BMP2K: variants seen among roughly 807,000 people sequenced by gnomAD.
BMP2K encodes BMP-2-inducible protein kinase.
Under a neutral mutation model 116.0 loss-of-function variants are expected in BMP2K, and 74 were observed. The ratio of observed to expected loss-of-function variants is 0.64; its 90% CI spans 0.53 to 0.77. The LOEUF (loss-of-function observed/expected upper bound fraction) is 0.77. Ranked by LOEUF, BMP2K falls within the 30% of genes least tolerant of loss-of-function variation. The pLI is 0.00. For synonymous variants in BMP2K, 486 were observed against 502.5 expected (o/e 0.97, Z 0.44); for missense variants, 1,365 against 1,403.6 (o/e 0.97, Z 0.44).
intron 10 of BMP2K, among the ~76,000 whole-genome samples, chr4:78,868,233 G>C (rs1239591407): frequency 6.6e-6 from 1 of 152,060 alleles, no homozygotes; most frequent in Non-Finnish European, 1.5e-5. Flanking sequence ...GGTGGTGAAA[G>C]GCACTTCTTA....
chr4:78,872,753 C>T lies in BMP2K; in HGVS notation c.1748C>T (p.Pro583Leu), dbSNP rs758686262. ...TTAGTTTCCTACACTTCATCACTTC[C>T]AGCTCAGGTTGGAACCATAATGGAC... ...PALVSYTSSL[P>L]AQVGTIMDSS... The change falls in exon 13 of 16, where the codon CCA becomes CTA. Residue 583 changes from proline (P) to leucine (L), a missense_variant. By Grantham distance (98) the Pro-to-Leu change is moderately conservative (BLOSUM62 -3). Coordinates refer to ENST00000502613, the MANE Select transcript of BMP2K (RefSeq NM_198892.2). The T allele has an allele frequency of 2.5e-6, 4 of 1,614,140 alleles. No homozygotes were observed. Among genetic ancestry groups the T allele is most frequent in the Non-Finnish European group, 2.5e-6 (3 of 1,179,984 alleles).
chr4:78,794,750 A>G (rs1728171254), intron 1 of BMP2K, among the ~76,000 whole-genome samples: 1 of 152,116 alleles, frequency 6.6e-6, no homozygotes, highest in African/African-American at 2.4e-5. Flanking sequence ...TTTTATAAAG[A>G]CGAGGTCTCA....
intron 1 of BMP2K, 30 bp downstream of exon 1, chr4:78,776,751 C>T (rs1185567883): frequency 4.8e-6 from 6 of 1,256,432 alleles, no homozygotes; most frequent in Non-Finnish European, 5.0e-6. Context: ...CTCGGACAGG[C>T]AGGTGAGGGA....
At chr4:78,910,554 C>T in intron 15 of BMP2K, 56 bp from the exon 16 acceptor site, 3 of 1,336,610 alleles carry the variant, frequency 2.2e-6, no homozygotes, top group Admixed American at 2.9e-5. Context: ...ACATTTAGTG[C>T]AAGAGGATTC....
chr4:78,870,841 G>T lies in BMP2K; in HGVS notation c.1290G>T (p.Gln430His). Reference protein sequence around the residue: ...EILLGQGPPQQPPQQHRVLQQ... With the variant: ...EILLGQGPPQHPPQQHRVLQQ... ...TATTGGGTCAGGGACCTCCTCAGCA[G>T]CCGCCACAGCAGCATAGAGTACTCC... Residue 430 changes from glutamine (Q) to histidine (H), a missense_variant, in exon 11 of 16, where the codon CAG (glutamine) becomes CAT (histidine). Physicochemically the swap from Gln to His is conservative, Grantham distance 24 (BLOSUM62 0). This residue lies in a region of BMP2K where 762 missense variants were observed against 756.7 expected (regional missense o/e 1.01). Coordinates refer to ENST00000502613, the MANE Select transcript of BMP2K (RefSeq NM_198892.2). The T allele has an allele frequency of 6.2e-7, 1 of 1,614,066 alleles. No individual in the cohort carries two copies. Among genetic ancestry groups the T allele is most frequent in the Non-Finnish European group, 8.5e-7 (1 of 1,180,014 alleles).
chr4:78,848,667 C>G (rs951657360), intron 6 of BMP2K, among the ~76,000 whole-genome samples: 1 of 151,074 alleles, frequency 6.6e-6, no homozygotes, highest in African/African-American at 2.4e-5. Context: ...TTATTTTTTC[C>G]TCAGACTTAG....
chr4:78,780,911 G>A (rs1295787443), intron 1 of BMP2K, among the ~76,000 whole-genome samples: 3 of 152,186 alleles, frequency 2.0e-5, no homozygotes, highest in African/African-American at 7.2e-5. Context: ...GGGGGTCAAG[G>A]AAGGCCTTTT....
intron 2 of BMP2K, among the ~76,000 whole-genome samples, chr4:78,833,213 T>C (rs1375056495): frequency 6.6e-6 from 1 of 152,034 alleles, no homozygotes; most frequent in Non-Finnish European, 1.5e-5. Context: ...AATGAGAATA[T>C]AATTGTTAAT....
At chr4:78,777,335 A>T (rs1026467331) in intron 1 of BMP2K, among the ~76,000 whole-genome samples, 1 of 152,220 alleles carries the variant, frequency 6.6e-6, no homozygotes, top group Non-Finnish European at 1.5e-5. Flanking sequence ...TCTGTTGGAC[A>T]AGGTGCTATT....
intron 1 of BMP2K, among the ~76,000 whole-genome samples, chr4:78,798,965 T>C (rs1344378688): frequency 2.0e-5 from 3 of 152,236 alleles, no homozygotes; most frequent in Admixed American, 6.5e-5. Context: ...CATGGAAATA[T>C]CCATAATAAC....
intron 9 of BMP2K, among the ~76,000 whole-genome samples, chr4:78,864,155 C>T (rs1052424667): frequency 2.1e-4 from 32 of 152,000 alleles, no homozygotes; most frequent in African/African-American, 7.2e-4. Context: ...GCTATGCCTA[C>T]GTGTGTTGTG....
intron 10 of BMP2K, among the ~76,000 whole-genome samples, chr4:78,868,710 G>T (rs905946900): frequency 6.6e-6 from 1 of 152,032 alleles, no homozygotes; most frequent in Non-Finnish European, 1.5e-5. Context: ...AAAACAAAGG[G>T]GTTACAGCGC....
intron 1 of BMP2K, among the ~76,000 whole-genome samples, chr4:78,818,944 A>G (rs1047491389): frequency 1.3e-5 from 2 of 152,040 alleles, no homozygotes; most frequent in Non-Finnish European, 2.9e-5. Flanking sequence ...TTACAAGTGC[A>G]TGCCACCATG....
At chr4:78,855,425 T>G (rs1202483057) in intron 7 of BMP2K, among the ~76,000 whole-genome samples, 2 of 152,168 alleles carry the variant, frequency 1.3e-5, no homozygotes. Flanking sequence ...GAGTATTTTC[T>G]TTTTAAATTT....
intron 1 of BMP2K, among the ~76,000 whole-genome samples, chr4:78,782,136 T>C (rs1275476729): frequency 6.6e-6 from 1 of 152,210 alleles, no homozygotes; most frequent in African/African-American, 2.4e-5. Flanking sequence ...GACTGAATCT[T>C]GTACTTGCCT....
In BMP2K at chr4:78,844,795, A is replaced by G. The variant is rs190887277; in HGVS notation, c.547-133A>G. The stretch of plus-strand genomic sequence containing the variant: ...GGCACATGTATACTTATTTTTGTAT[A>G]TGGCATATACCCTTCGGTGTTTATT... On this transcript the variant is annotated intron_variant, in intron 4 of 15. Transcript: ENST00000502613. The G allele has an allele frequency of 2.2e-4, 158 of 704,824 alleles. 1 individual carries two copies. The African/African-American group carries it at 2.4e-3, about 11-fold the overall frequency. The allele number at this position is 704,824 out of a possible 1,614,324, so 43.7% of individuals were successfully genotyped here.
intron 12 of BMP2K, 144 bp from the exon 13 acceptor site, chr4:78,872,467 GTAA>G (rs780434600): frequency 2.1e-4 from 140 of 665,112 alleles, no homozygotes; most frequent in Admixed American, 1.9e-3. Flanking sequence ...TAGTTTTCTA[GTAA>G]TAGAGCTGCT....
At chr4:78,842,820 T>C (rs1043047444) in intron 4 of BMP2K, among the ~76,000 whole-genome samples, 4 of 152,018 alleles carry the variant, frequency 2.6e-5, no homozygotes, top group Non-Finnish European at 5.9e-5. Flanking sequence ...GTGATTTTCA[T>C]TGACATATGT....
intron 15 of BMP2K, among the ~76,000 whole-genome samples, chr4:78,890,068 C>T (rs77210405): frequency 0.067 from 10,211 of 151,860 alleles, 1,045 homozygotes; most frequent in African/African-American, 0.23. Context: ...TTAGTATATA[C>T]TTTTTTCTGC....
Sources: gnomAD v4.1 joint callset for allele counts (sites outside exome capture counted in the v4.1 genomes callset) on GRCh38, gnomAD v4.1.1 for gene constraint, gnomAD v4.1.1 regional missense constraint, MANE v1.5 for transcripts, NCBI Gene and HGNC (gene_info 2026-07-23, HGNC 2026-07-21) for gene names.